BBX: variants seen among roughly 807,000 people sequenced by gnomAD.
BBX encodes BBX high mobility group box domain containing.
A neutral mutation model predicts 100.2 loss-of-function variants in BBX; 30 were observed. The ratio of observed to expected loss-of-function variants is 0.30; its 90% CI spans 0.22 to 0.41. The LOEUF (loss-of-function observed/expected upper bound fraction) is 0.41, where lower values mean the gene tolerates loss of function less well. BBX is among the 10% of genes least tolerant of loss of function. The pLI is 1.00. For synonymous variants in BBX, 376 were observed against 388.1 expected (o/e 0.97, Z 0.37); for missense variants, 1,023 against 1,129.8 (o/e 0.91, Z 1.35).
chr3:107,694,962 T>G (rs1398619516), intron 3 of BBX, among the ~76,000 whole-genome samples: 44 of 151,534 alleles, frequency 2.9e-4, no homozygotes, highest in Non-Finnish European at 4.4e-4. Flanking sequence ...ATTTCTTCTA[T>G]ATTTTCTAGT....
intron 6 of BBX, among the ~76,000 whole-genome samples, chr3:107,730,112 C>T (rs889750928): frequency 6.6e-6 from 1 of 152,024 alleles, no homozygotes; most frequent in Non-Finnish European, 1.5e-5. Context: ...AACATAATGG[C>T]AGCATTCTAG....
intron 9 of BBX, among the ~76,000 whole-genome samples, chr3:107,751,534 AT>A (rs2065079153): frequency 6.6e-6 from 1 of 151,780 alleles, no homozygotes; most frequent in South Asian, 2.1e-4. Flanking sequence ...GTTTGTTTTG[AT>A]TTTTTTTCAT....
At chr3:107,634,477 A>T (rs1362131357) in intron 2 of BBX, among the ~76,000 whole-genome samples, 4 of 152,202 alleles carry the variant, frequency 2.6e-5, no homozygotes, top group African/African-American at 4.8e-5. Flanking sequence ...TTTTCTAGCA[A>T]CAGTGTTGAA....
intron 2 of BBX, among the ~76,000 whole-genome samples, chr3:107,602,180 A>G (rs1471303658): frequency 6.6e-6 from 1 of 152,206 alleles, no homozygotes; most frequent in African/African-American, 2.4e-5. Context: ...ACCTAGTCAC[A>G]CAAGAGCTCT....
At position 107,777,636 on chromosome 3, in the gene BBX, C is replaced by T. The variant is rs148410436; in HGVS notation, c.2055-735C>T. On this transcript the variant is annotated intron_variant, in intron 12 of 17. Coordinates refer to ENST00000325805, the MANE Select transcript of BBX (RefSeq NM_001142568.3). ...ATTGCTGTGGGACCCTAGAGACAGT[C>T]AGCACCAGCCCAGAGATTGCCCAAC... 4.2e-3 allele frequency among the ~76,000 whole-genome samples: 635 copies of T among 152,298 alleles called. 1 individual carries two copies. Among genetic ancestry groups the T allele is most frequent in the Non-Finnish European group, 7.2e-3 (487 of 68,014 alleles).
At chr3:107,578,405 G>A (rs1417478672) in intron 2 of BBX, among the ~76,000 whole-genome samples, 2 of 139,360 alleles carry the variant, frequency 1.4e-5, no homozygotes, top group Non-Finnish European at 3.3e-5. Flanking sequence ...TGAGGACGCA[G>A]ACTTGACTGA....
chr3:107,765,457 A>G (rs370060407), intron 10 of BBX, among the ~76,000 whole-genome samples: 61 of 143,838 alleles, frequency 4.2e-4, no homozygotes, highest in African/African-American at 1.2e-3. Context: ...GTGGGTGTGT[A>G]TGTGTGTGTG....
chr3:107,805,397 T>C lies in BBX; in HGVS notation c.2766T>C (p.His922=). The change falls in exon 18 of 18, where the codon CAT becomes CAC. Residue 922 remains histidine, a synonymous_variant. Transcript: ENST00000325805. ...HRGQRSTPLT[H]DGQPKEMPQA... ...GTCAGAGGTCAACTCCGCTCACCCA[T>C]GATGGACAGCCAAAAGAAATGCCGC... 6.2e-7 allele frequency: 1 copy of C among 1,614,082 alleles called. No homozygotes were observed. Among genetic ancestry groups the C allele is most frequent in the Non-Finnish European group, 8.5e-7 (1 of 1,179,958 alleles).
At chr3:107,598,488 C>T (rs554770362) in intron 2 of BBX, among the ~76,000 whole-genome samples, 80 of 152,304 alleles carry the variant, frequency 5.3e-4, no homozygotes, top group Non-Finnish European at 9.8e-4. Flanking sequence ...TAGGGAACTA[C>T]TTGCAATTTT....
At chr3:107,791,956 G>A (rs1327460515) in intron 15 of BBX, among the ~76,000 whole-genome samples, 2 of 152,144 alleles carry the variant, frequency 1.3e-5, no homozygotes, top group South Asian at 2.1e-4. Context: ...AGCCAAGATC[G>A]TACCACTGCA....
intron 2 of BBX, among the ~76,000 whole-genome samples, chr3:107,641,133 A>C (rs958592021): frequency 2.1e-5 from 3 of 142,632 alleles, no homozygotes; most frequent in African/African-American, 7.9e-5. Context: ...CGCCCAGGCT[A>C]GAGTGCAATG....
intron 8 of BBX, among the ~76,000 whole-genome samples, chr3:107,747,238 T>G (rs2064695738): frequency 6.6e-6 from 1 of 152,050 alleles, no homozygotes; most frequent in African/African-American, 2.4e-5. Context: ...AGTGTGTGTG[T>G]GTGTGTGTGT....
At chr3:107,621,894 T>C (rs528630257) in intron 2 of BBX, among the ~76,000 whole-genome samples, 25 of 152,358 alleles carry the variant, frequency 1.6e-4, no homozygotes, top group Admixed American at 4.6e-4. Context: ...ACCAGTAATT[T>C]GTTTTTCTAG....
At chr3:107,695,974 C>T (rs2060567582) in intron 3 of BBX, among the ~76,000 whole-genome samples, 1 of 151,792 alleles carries the variant, frequency 6.6e-6, no homozygotes, top group Non-Finnish European at 1.5e-5. Flanking sequence ...CTCTTTTTAT[C>T]TTTGTTGGTT....
chr3:107,674,595 C>T (rs998247915), intron 3 of BBX, among the ~76,000 whole-genome samples: 14 of 152,172 alleles, frequency 9.2e-5, no homozygotes, highest in Non-Finnish European at 1.6e-4. Flanking sequence ...CCCCTGGCAG[C>T]GGTTGCAGCC....
intron 3 of BBX, among the ~76,000 whole-genome samples, chr3:107,699,002 A>C (rs531344107): frequency 5.3e-5 from 8 of 151,944 alleles, no homozygotes; most frequent in Non-Finnish European, 1.2e-4. Flanking sequence ...AATGGACTTC[A>C]GGGAACAGTC....
intron 3 of BBX, among the ~76,000 whole-genome samples, chr3:107,687,455 C>T (rs563104821): frequency 4.0e-5 from 6 of 151,540 alleles, no homozygotes; most frequent in East Asian, 3.9e-4. Flanking sequence ...GACAGAGAAG[C>T]GGGGAATGCA....
intron 7 of BBX, among the ~76,000 whole-genome samples, chr3:107,734,992 G>C (rs569076675): frequency 5.3e-5 from 8 of 152,148 alleles, no homozygotes; most frequent in Non-Finnish European, 8.8e-5. Flanking sequence ...GAAGGTGGTA[G>C]CAGTTAGGTC....
chr3:107,528,792 C>G (rs1010509516), intron 2 of BBX, among the ~76,000 whole-genome samples: 12 of 152,196 alleles, frequency 7.9e-5, no homozygotes, highest in African/African-American at 2.9e-4. Flanking sequence ...TCATGAAAAT[C>G]TAACTCAGTA....
Sources: allele counts gnomAD v4.1 joint callset (sites outside exome capture counted in the v4.1 genomes callset), GRCh38; gene constraint gnomAD v4.1.1; transcripts MANE v1.5; gene names NCBI Gene and HGNC (gene_info 2026-07-23, HGNC 2026-07-21).